MET: variants seen among roughly 807,000 people sequenced by gnomAD.
MET encodes MET proto-oncogene, receptor tyrosine kinase.
A neutral mutation model predicts 133.1 loss-of-function variants in MET; 48 were observed. That is an observed-to-expected ratio of 0.36 (90% CI 0.29 to 0.46). The LOEUF (loss-of-function observed/expected upper bound fraction) is 0.46. Ranked by LOEUF, MET falls within the 20% of genes least tolerant of loss-of-function variation. MET has a pLI of 1.00. For missense variants in MET, 1,442 were observed against 1,695.9 expected (o/e 0.85, Z 2.63); for synonymous variants, 628 against 616.5 (o/e 1.02, Z -0.28).
intron 3 of MET, among the ~76,000 whole-genome samples, chr7:116,732,674 G>T (rs1369989994): frequency 6.6e-6 from 1 of 152,144 alleles, no homozygotes; most frequent in Non-Finnish European, 1.5e-5. Context: ...TTTCGTAATT[G>T]TCTGATGTAG....
intron 5 of MET, among the ~76,000 whole-genome samples, chr7:116,743,970 A>C (rs1366371634): frequency 6.6e-6 from 1 of 152,240 alleles, no homozygotes; most frequent in African/African-American, 2.4e-5. Flanking sequence ...AAAAACTAAC[A>C]AACAGAAAGC....
At chr7:116,678,657 G>A (rs1255800063) in intron 1 of MET, among the ~76,000 whole-genome samples, 1 of 152,170 alleles carries the variant, frequency 6.6e-6, no homozygotes, top group African/African-American at 2.4e-5. Flanking sequence ...ACCCAGCCAA[G>A]GTTTGGGTCC....
At chr7:116,766,762 C>A (rs749533070) in intron 11 of MET, among the ~76,000 whole-genome samples, 23 of 152,172 alleles carry the variant, frequency 1.5e-4, no homozygotes, top group South Asian at 4.2e-4. Context: ...TTTTCCAGGG[C>A]AGTTTCATAG....
intron 2 of MET, among the ~76,000 whole-genome samples, chr7:116,706,050 G>T (rs577980412): frequency 5.3e-5 from 8 of 151,916 alleles, no homozygotes; most frequent in Non-Finnish European, 1.2e-4. Context: ...TCTACCCCAG[G>T]AAAGATGAAA....
chr7:116,672,908 A>C (rs1796024823), intron 1 of MET, among the ~76,000 whole-genome samples: 1 of 152,148 alleles, frequency 6.6e-6, no homozygotes, highest in African/African-American at 2.4e-5. Context: ...GGATCCGGTC[A>C]TCCTCGTCCC....
intron 5 of MET, among the ~76,000 whole-genome samples, chr7:116,742,819 A>G (rs1793512182): frequency 6.6e-6 from 1 of 152,182 alleles, no homozygotes; most frequent in South Asian, 2.1e-4. Context: ...GCAGTTAGGA[A>G]GGCAGGGCAG....
intron 2 of MET, among the ~76,000 whole-genome samples, chr7:116,704,746 A>T (rs1044791827): frequency 2.0e-4 from 31 of 152,148 alleles, no homozygotes; most frequent in Non-Finnish European, 1.3e-4. Flanking sequence ...TCAAGTTAGA[A>T]GGTATAAATT....
At chr7:116,728,603 A>G (rs184467506) in intron 2 of MET, among the ~76,000 whole-genome samples, 2 of 152,278 alleles carry the variant, frequency 1.3e-5, no homozygotes, top group East Asian at 3.9e-4. Flanking sequence ...GGCCTGATTC[A>G]GCAAGACCAA....
chr7:116,737,606 A>G (rs1337999042), intron 3 of MET, among the ~76,000 whole-genome samples: 1 of 152,160 alleles, frequency 6.6e-6, no homozygotes, highest in Non-Finnish European at 1.5e-5. Flanking sequence ...AAATAATAGT[A>G]CCTACCTTAT....
chr7:116,698,994 T>G (rs1797061176), intron 1 of MET, 77 bp from the exon 2 acceptor site: 5 of 1,597,284 alleles, frequency 3.1e-6, no homozygotes, highest in Middle Eastern at 2.1e-4. Flanking sequence ...TTCTGATAGA[T>G]TAAATGGTAT....
chr7:116,759,250 C>T (rs1794304017), intron 9 of MET, 141 bp from the exon 10 acceptor site: 3 of 1,244,564 alleles, frequency 2.4e-6, no homozygotes, highest in African/African-American at 3.0e-5. Context: ...TTCCAAAGAA[C>T]AGTTACCCAT....
intron 14 of MET, among the ~76,000 whole-genome samples, chr7:116,773,627 C>G (rs1017738621): frequency 6.6e-6 from 1 of 152,160 alleles, no homozygotes; most frequent in African/African-American, 2.4e-5. Flanking sequence ...GGAGCAAGTA[C>G]CCAGCTAGGC....
At chr7:116,737,135 T>C (rs917966721) in intron 3 of MET, among the ~76,000 whole-genome samples, 1 of 152,208 alleles carries the variant, frequency 6.6e-6, no homozygotes, top group African/African-American at 2.4e-5. Flanking sequence ...AAATTCCAAA[T>C]GGCATTCTCA....
chr7:116,746,193 T>C lies in MET; in HGVS notation c.1701+5168T>C, dbSNP rs186725197. ...CACATGAAAAAATGCTCATTATCAC[T>C]GGCCATCAGAGAAATGCAAATCAAA... On this transcript the variant is annotated intron_variant, in intron 5 of 20. Coordinates refer to ENST00000397752, the MANE Select transcript of MET (RefSeq NM_000245.4). Among the ~76,000 whole-genome samples, 247 of 152,374 alleles carry C rather than the reference T, an allele frequency of 1.6e-3. 1 individual carries two copies. Among genetic ancestry groups the C allele is most frequent in the Non-Finnish European group, 2.3e-3 (158 of 68,036 alleles).
chr7:116,759,478 G>A lies in MET; in HGVS notation c.2352G>A (p.Arg784=), dbSNP rs2116939135. 1 of 1,613,390 alleles carries A rather than the reference G, an allele frequency of 6.2e-7. No homozygotes were observed. Among genetic ancestry groups the A allele is most frequent in the Non-Finnish European group, 8.5e-7 (1 of 1,179,694 alleles). Residue 784 remains arginine, a synonymous_variant, in exon 10 of 21, where the codon AGG becomes AGA. Coordinates refer to ENST00000397752, the MANE Select transcript of MET (RefSeq NM_000245.4). ...RMVINVHEAG[R]NFTVACQHRS... is the part of the protein sequence containing the mutation. ...TCATAAATGTGCATGAAGCAGGAAG[G>A]AACTTTACAGTGGTAAGTCCTTTGA...
intron 10 of MET, among the ~76,000 whole-genome samples, chr7:116,761,791 T>C (rs1159023521): frequency 6.6e-6 from 1 of 152,114 alleles, no homozygotes; most frequent in Non-Finnish European, 1.5e-5. Flanking sequence ...ATATTATATC[T>C]CTATCAGTTT....
chr7:116,779,016 A>G, intron 17 of MET, 59 bp downstream of exon 17: 1 of 1,549,592 alleles, frequency 6.5e-7, no homozygotes, highest in Non-Finnish European at 8.9e-7. Flanking sequence ...CCATCCCTTC[A>G]AAATAGGCCT....
At chr7:116,754,893 G>GAGAAAGAAAGAAAGAAAGAAAGAA (rs542934651) in intron 5 of MET, among the ~76,000 whole-genome samples, 6 of 97,516 alleles carry the variant, frequency 6.2e-5, no homozygotes, top group Admixed American at 4.9e-4. Context: ...GAGAGAAAGA[G>GAGAAAGAAAGAAAGAAAGAAAGAA]AGAAAGAAAG....
At chr7:116,772,281 C>T (rs1007096431) in intron 14 of MET, among the ~76,000 whole-genome samples, 7 of 152,292 alleles carry the variant, frequency 4.6e-5, no homozygotes, top group Non-Finnish European at 1.0e-4. Flanking sequence ...AATTGCGAAG[C>T]TCTCTTTTAC....
Sources: allele counts gnomAD v4.1 joint callset (sites outside exome capture counted in the v4.1 genomes callset), GRCh38; gene constraint gnomAD v4.1.1; transcripts MANE v1.5; gene names NCBI Gene and HGNC (gene_info 2026-07-23, HGNC 2026-07-21).